MAP3K20: variants seen among roughly 807,000 people sequenced by gnomAD.
MAP3K20 encodes HCCS-4.
Under a neutral mutation model 85.7 loss-of-function variants are expected in MAP3K20, and 40 were observed. The observed-to-expected ratio is 0.47, with a 90% CI of 0.36 to 0.61. The LOEUF (loss-of-function observed/expected upper bound fraction) is 0.61. MAP3K20 is among the 20% of genes least tolerant of loss of function. The pLI is 0.00. For synonymous variants in MAP3K20, 325 were observed against 327.7 expected (o/e 0.99, Z 0.09); for missense variants, 817 against 961.7 (o/e 0.85, Z 1.99).
chr2:173,227,796 G>A (rs1048318998), intron 11 of MAP3K20, among the ~76,000 whole-genome samples: 2 of 152,204 alleles, frequency 1.3e-5, no homozygotes, highest in African/African-American at 4.8e-5. Flanking sequence ...TTTCTATAAA[G>A]GTGAGCCTTG....
chr2:173,086,902 A>C (rs559908922), intron 1 of MAP3K20, among the ~76,000 whole-genome samples: 1 of 152,314 alleles, frequency 6.6e-6, no homozygotes, highest in Non-Finnish European at 1.5e-5. Context: ...CCCAGTACTG[A>C]AAGTCCCAAA....
intron 2 of MAP3K20, among the ~76,000 whole-genome samples, chr2:173,149,772 T>C (rs779853412): frequency 6.6e-6 from 1 of 152,230 alleles, no homozygotes; most frequent in African/African-American, 2.4e-5. Context: ...TGAGAGGTGA[T>C]ACTTTCATTT....
chr2:173,138,204 C>T (rs140641129), intron 2 of MAP3K20, among the ~76,000 whole-genome samples: 179 of 152,206 alleles, frequency 1.2e-3, no homozygotes, highest in Middle Eastern at 6.8e-3. Context: ...TTCCTGACCT[C>T]GTGTTTCGCC....
At chr2:173,245,271 T>A (rs1684887824) in intron 16 of MAP3K20, among the ~76,000 whole-genome samples, 1 of 152,158 alleles carries the variant, frequency 6.6e-6, no homozygotes, top group Non-Finnish European at 1.5e-5. Flanking sequence ...TTATTTTTCT[T>A]AGCTTCATTT....
chr2:173,162,883 G>T (rs1461699499), intron 2 of MAP3K20, among the ~76,000 whole-genome samples: 1 of 152,114 alleles, frequency 6.6e-6, no homozygotes, highest in Non-Finnish European at 1.5e-5. Flanking sequence ...GCTGCTAGGT[G>T]GAGGGAAGTA....
chr2:173,121,608 C>T (rs761960438), intron 2 of MAP3K20, among the ~76,000 whole-genome samples: 2 of 152,026 alleles, frequency 1.3e-5, no homozygotes, highest in Non-Finnish European at 2.9e-5. Context: ...AGGATGGTCT[C>T]AATCTCCTGA....
At chr2:173,144,075 C>A (rs1161790669) in intron 2 of MAP3K20, among the ~76,000 whole-genome samples, 1 of 151,982 alleles carries the variant, frequency 6.6e-6, no homozygotes, top group East Asian at 1.9e-4. Flanking sequence ...GCAGGCAGAT[C>A]ACACGAGCCC....
intron 3 of MAP3K20, among the ~76,000 whole-genome samples, chr2:173,171,138 C>G: frequency 6.6e-6 from 1 of 152,060 alleles, no homozygotes; most frequent in East Asian, 1.9e-4. Context: ...TGTGAATACC[C>G]AAGAATGGGT....
rs369113955 is a variant in MAP3K20, at chr2:173,241,801, CT to C, written c.1359+2308del. Among the ~76,000 whole-genome samples, 8 of 152,234 alleles carry C rather than the reference CT, an allele frequency of 5.3e-5. No homozygotes were observed. In the South Asian group the frequency reaches 1.7e-3, roughly 32 times the overall value. On this transcript the variant is annotated intron_variant, in intron 16 of 19. Coordinates refer to ENST00000375213, the MANE Select transcript of MAP3K20 (RefSeq NM_016653.3). Reference sequence around the variant, plus strand: ...TTACCTCCCTTGTTTCGGCCACAGACTTTGGTTGAGTGAGAGCTGCTCTGGA... The same window carrying C: ...TTACCTCCCTTGTTTCGGCCACAGACTTGGTTGAGTGAGAGCTGCTCTGGA...
intron 16 of MAP3K20, among the ~76,000 whole-genome samples, chr2:173,247,254 A>G (rs572850704): frequency 6.6e-6 from 1 of 152,306 alleles, no homozygotes; most frequent in African/African-American, 2.4e-5. Context: ...CATTGCTTAT[A>G]AAATGTTGCT....
chr2:173,215,499 A>G (rs1421190911), intron 10 of MAP3K20: 5 of 152,214 alleles, frequency 3.3e-5, no homozygotes, highest in African/African-American at 1.2e-4. Context: ...AATTCTGAAA[A>G]ATTGCTGATT....
intron 10 of MAP3K20, chr2:173,210,985 G>A (rs993235657): frequency 6.6e-6 from 1 of 152,220 alleles, no homozygotes; most frequent in Admixed American, 6.5e-5. Context: ...GTGAGCTCAA[G>A]TCTAGGTATA....
intron 2 of MAP3K20, among the ~76,000 whole-genome samples, chr2:173,140,684 G>A (rs1688945330): frequency 6.6e-6 from 1 of 152,162 alleles, no homozygotes; most frequent in East Asian, 1.9e-4. Flanking sequence ...TATAACTATC[G>A]CTAATACTAT....
chr2:173,168,079 CTAA>C (rs1461047528), intron 2 of MAP3K20, among the ~76,000 whole-genome samples: 2 of 76,436 alleles, frequency 2.6e-5, no homozygotes, highest in Non-Finnish European at 9.1e-5. Context: ...TTTATTATTT[CTAA>C]TAATAATAAA....
chr2:173,078,235 G>T (rs1348612468), intron 1 of MAP3K20, among the ~76,000 whole-genome samples: 1 of 152,166 alleles, frequency 6.6e-6, no homozygotes, highest in Admixed American at 6.5e-5. Context: ...AAAGATGTTT[G>T]TGGGGATATA....
intron 11 of MAP3K20, among the ~76,000 whole-genome samples, chr2:173,220,840 C>A (rs977895359): frequency 1.3e-5 from 2 of 152,140 alleles, no homozygotes; most frequent in Non-Finnish European, 2.9e-5. Context: ...CAAGATAAAT[C>A]CTAGAAACTA....
Position 173,263,727 on chromosome 2 carries a change from G to A in MAP3K20, c.1552-18G>A, listed in dbSNP as rs902683137. 26 of 1,581,948 alleles carry A rather than the reference G, an allele frequency of 1.6e-5. No individual in the cohort carries two copies. Among genetic ancestry groups the A allele is most frequent in the Admixed American group, 7.6e-5 (4 of 52,746 alleles). On this transcript the variant is annotated intron_variant, in intron 18 of 19. Transcript: ENST00000375213. ...TATTTGTCTTTTTTTTGTCTTTTTC[G>A]TTTGTTTGTTTTACCAGAGTGATGT...
At chr2:173,089,249 GT>G (rs1687224962) in intron 1 of MAP3K20, among the ~76,000 whole-genome samples, 1 of 151,354 alleles carries the variant, frequency 6.6e-6, no homozygotes. Context: ...TCACCTAGAT[GT>G]GCCAGTTCTT....
intron 18 of MAP3K20, among the ~76,000 whole-genome samples, chr2:173,261,756 C>T (rs968584418): frequency 6.6e-6 from 1 of 152,194 alleles, no homozygotes; most frequent in Non-Finnish European, 1.5e-5. Context: ...GTGGCTCACA[C>T]CTGTAATCTC....
Sources: gnomAD v4.1 joint callset for allele counts (sites outside exome capture counted in the v4.1 genomes callset) on GRCh38, gnomAD v4.1.1 for gene constraint, MANE v1.5 for transcripts, NCBI Gene and HGNC (gene_info 2026-07-23, HGNC 2026-07-21) for gene names.